Variants in PITPNC1 observed in about 807,000 individuals in gnomAD.
PITPNC1 encodes the protein cytoplasmic phosphatidylinositol transfer protein 1.
In PITPNC1, 18 loss-of-function variants were observed where a neutral mutation model predicts 44.7. The ratio of observed to expected loss-of-function variants is 0.40; its 90% CI spans 0.28 to 0.60. The LOEUF (loss-of-function observed/expected upper bound fraction) is 0.60. PITPNC1 is among the 20% of genes least tolerant of loss of function. The pLI, the probability that PITPNC1 is intolerant of heterozygous loss-of-function variation, is 0.39. For missense variants in PITPNC1, 290 were observed against 418.4 expected (o/e 0.69, Z 2.68); for synonymous variants, 141 against 149.6 (o/e 0.94, Z 0.42).
chr17:67,517,453 C>T (rs930942792), intron 1 of PITPNC1, among the ~76,000 whole-genome samples: 1 of 152,198 alleles, frequency 6.6e-6, no homozygotes, highest in Non-Finnish European at 1.5e-5. Context: ...CCTCAAAAGA[C>T]TCACCCACAA....
At chr17:67,518,631 G>A (rs2040286979) in intron 1 of PITPNC1, among the ~76,000 whole-genome samples, 1 of 151,970 alleles carries the variant, frequency 6.6e-6, no homozygotes, top group Non-Finnish European at 1.5e-5. Context: ...CTGTTAGGAT[G>A]GTGGTTATCA....
intron 1 of PITPNC1, among the ~76,000 whole-genome samples, chr17:67,427,396 T>G (rs904832245): frequency 1.4e-4 from 21 of 151,974 alleles, no homozygotes; most frequent in Non-Finnish European, 2.6e-4. Flanking sequence ...GTATTTTTAG[T>G]AGAGATGGGG....
intron 1 of PITPNC1, among the ~76,000 whole-genome samples, chr17:67,491,512 C>T (rs72845154): frequency 0.074 from 11,226 of 152,198 alleles, 566 homozygotes; most frequent in Middle Eastern, 0.12. Context: ...TGGCACAGAG[C>T]ACACGCACGC....
intron 5 of PITPNC1, chr17:67,612,429 T>G (rs1266099500): frequency 6.6e-6 from 1 of 152,296 alleles, no homozygotes; most frequent in Non-Finnish European, 1.5e-5. Flanking sequence ...CAGGTCCTGC[T>G]AGCTCAGTGA....
intron 1 of PITPNC1, among the ~76,000 whole-genome samples, chr17:67,438,021 T>A (rs1253680070): frequency 6.7e-6 from 1 of 150,034 alleles, no homozygotes; most frequent in Non-Finnish European, 1.5e-5. Context: ...TGAGCGGAGA[T>A]CTCGACACTG....
At chr17:67,551,982 A>C (rs1192428513) in intron 2 of PITPNC1, among the ~76,000 whole-genome samples, 1 of 152,184 alleles carries the variant, frequency 6.6e-6, no homozygotes, top group Admixed American at 6.5e-5. Flanking sequence ...CTGAATTCTC[A>C]TGTCTTTGCA....
At chr17:67,622,672 A>T (rs1567744253) in intron 5 of PITPNC1, among the ~76,000 whole-genome samples, 1 of 151,882 alleles carries the variant, frequency 6.6e-6, no homozygotes. Flanking sequence ...TTGAGGTCAG[A>T]AGTTCGAGAC....
At chr17:67,520,533 T>G (rs4791284) in intron 1 of PITPNC1, among the ~76,000 whole-genome samples, 101,007 of 152,014 alleles carry the variant, frequency 0.66, 34,087 homozygotes, top group East Asian at 0.88. Flanking sequence ...TCTTCTGTCT[T>G]CAAGGCAGAA....
chr17:67,573,306 CA>C (rs1403704323), intron 4 of PITPNC1, among the ~76,000 whole-genome samples: 1 of 152,032 alleles, frequency 6.6e-6, no homozygotes, highest in Non-Finnish European at 1.5e-5. Flanking sequence ...ATGAGATCAC[CA>C]GGGGAGAGGG....
rs2037915593 is a variant in PITPNC1 at position 67,378,990 on chromosome 17, CCTT to C, written c.48+791_48+793del. On this transcript the variant is annotated intron_variant, in intron 1 of 8. Transcript: ENST00000581322. The stretch of plus-strand genomic sequence containing the variant: ...CGTCCTCCAAGCGCGGCTCTGCTGT[CCTT>C]CTCCCGATCCTGCGAAGCCGCGAGC... 1.7e-5 allele frequency: 17 copies of C among 985,404 alleles called. No homozygotes were observed. The Middle Eastern group carries it at 2.6e-3, about 151-fold the overall frequency. 61.0% of individuals were successfully genotyped at this position (985,404 alleles called of 1,614,324 possible). A position where few individuals can be genotyped will look rare whatever the true frequency, so the allele number is the denominator to read the frequency against.
At chr17:67,545,157 T>G (rs1434285100) in intron 2 of PITPNC1, among the ~76,000 whole-genome samples, 2 of 151,536 alleles carry the variant, frequency 1.3e-5, no homozygotes, top group Non-Finnish European at 2.9e-5. Flanking sequence ...ACAAAAACTT[T>G]AAGATATAGG....
At chr17:67,464,060 G>A (rs2039386852) in intron 1 of PITPNC1, among the ~76,000 whole-genome samples, 1 of 152,018 alleles carries the variant, frequency 6.6e-6, no homozygotes, top group Non-Finnish European at 1.5e-5. Flanking sequence ...AGGTACAGTG[G>A]CTCGTGCCTG....
At chr17:67,609,691 G>C (rs996316008) in intron 5 of PITPNC1, among the ~76,000 whole-genome samples, 2 of 151,748 alleles carry the variant, frequency 1.3e-5, no homozygotes, top group Admixed American at 1.3e-4. Context: ...GGCGACAGTG[G>C]ACTCTTTCTA....
chr17:67,391,830 G>A (rs2038143343), intron 1 of PITPNC1, among the ~76,000 whole-genome samples: 2 of 152,040 alleles, frequency 1.3e-5, no homozygotes, highest in Admixed American at 1.3e-4. Flanking sequence ...ATTATCAAAG[G>A]AAATAATTAG....
chr17:67,437,884 A>C (rs1235438717), intron 1 of PITPNC1, among the ~76,000 whole-genome samples: 1 of 152,140 alleles, frequency 6.6e-6, no homozygotes, highest in Non-Finnish European at 1.5e-5. Context: ...CCTGGCTAGC[A>C]TGGCGAAACC....
intron 1 of PITPNC1, among the ~76,000 whole-genome samples, chr17:67,505,858 T>C (rs2040094718): frequency 6.6e-6 from 1 of 152,188 alleles, no homozygotes; most frequent in African/African-American, 2.4e-5. Flanking sequence ...AGATTGGCCA[T>C]ATGTAAAATT....
At position 67,458,004 on chromosome 17, in the gene PITPNC1, G is replaced by A. The variant is rs189150934; in HGVS notation, c.49-74798G>A. On this transcript the variant is annotated intron_variant, in intron 1 of 8. Transcript: ENST00000581322. ...CAGCTGATGGCAGAATATGACAGGG[G>A]TACCAGTGCTGGCCCACTGCTGCAG... Among the ~76,000 whole-genome samples the A allele has an allele frequency of 1.6e-4, 24 of 152,228 alleles. No individual in the cohort carries two copies. In the East Asian group the frequency reaches 4.1e-3, roughly 26 times the overall value.
chr17:67,403,218 C>CAAAAAAAAAAAAAAAAAAA (rs34768084), intron 1 of PITPNC1, among the ~76,000 whole-genome samples: 13 of 68,956 alleles, frequency 1.9e-4, no homozygotes, highest in African/African-American at 6.3e-4. Flanking sequence ...CTCATCTCTA[C>CAAAAAAAAAAAAAAAAAAA]AAAAAAAAAA....
At chr17:67,641,584 G>T (rs1360256440) in intron 6 of PITPNC1, among the ~76,000 whole-genome samples, 3 of 151,944 alleles carry the variant, frequency 2.0e-5, no homozygotes, top group Non-Finnish European at 1.5e-5. Flanking sequence ...ATCGCTTAAG[G>T]TCAGAAGTTC....
Sources: gnomAD v4.1 joint callset for allele counts (sites outside exome capture counted in the v4.1 genomes callset) on GRCh38, gnomAD v4.1.1 for gene constraint, MANE v1.5 for transcripts, NCBI Gene and HGNC (gene_info 2026-07-23, HGNC 2026-07-21) for gene names.